The following IMPA2 variants were observed in gnomAD, a reference collection of about 807,000 sequenced individuals.
The protein encoded by IMPA2 is IMP 2.
IMPA2 carries 32 observed loss-of-function variants against 35.1 expected under a neutral mutation model. The observed-to-expected ratio is 0.91, with a 90% CI of 0.69 to 1.23. The LOEUF is 1.23. Ranked by LOEUF, IMPA2 falls within the 50% of genes most tolerant of loss-of-function variation. IMPA2 has a pLI of 0.00. For missense variants in IMPA2, 334 were observed against 387.6 expected (o/e 0.86, Z 1.16); for synonymous variants, 135 against 160.6 (o/e 0.84, Z 1.20).
chr18:12,000,771 A>G (rs886638369), intron 2 of IMPA2, among the ~76,000 whole-genome samples: 2 of 150,992 alleles, frequency 1.3e-5, no homozygotes, highest in Non-Finnish European at 3.0e-5. Context: ...GCCCGCCACC[A>G]CGCCCAGCTA....
chr18:12,026,219 G>C (rs1907878437), intron 5 of IMPA2, among the ~76,000 whole-genome samples: 1 of 151,844 alleles, frequency 6.6e-6, no homozygotes, highest in African/African-American at 2.4e-5. Context: ...TTTTAATAGA[G>C]ATGGGGTTTC....
In IMPA2 at chr18:12,009,878, T is replaced by C. The variant is rs770782521; in HGVS notation, c.231-5T>C. 1.9e-6 allele frequency: 3 copies of C among 1,612,598 alleles called. No homozygotes were observed. On this transcript the variant is annotated splice_polypyrimidine_tract_variant and splice_region_variant and intron_variant, in intron 2 of 7. Coordinates refer to ENST00000269159, the MANE Select transcript of IMPA2 (RefSeq NM_014214.3). ...ATTTTCTCAGGCTGGGTTCTTCCACTGCAGGTTCATTGCAGAAGAGGCCGC... is the reference window on the plus strand; with the variant it reads ...ATTTTCTCAGGCTGGGTTCTTCCACCGCAGGTTCATTGCAGAAGAGGCCGC...
At position 11,991,701 on chromosome 18, in the gene IMPA2, C is replaced by T. The variant is rs548730718; in HGVS notation, c.97-7353C>T. On this transcript the variant is annotated intron_variant, in intron 1 of 7. Coordinates refer to ENST00000269159, the MANE Select transcript of IMPA2 (RefSeq NM_014214.3). This position sits in a 1 kb window ranked among gnomAD's most constrained non-coding sequence, Gnocchi z 4.1. ...GTGGACAGAGTCCCAAGGCCATTTG[C>T]GGAGAACCCCCTCTTACTTGGGGGA... 2.0e-5 allele frequency among the ~76,000 whole-genome samples: 3 copies of T among 152,240 alleles called. No individual in the cohort carries two copies. Among genetic ancestry groups the T allele is most frequent in the South Asian group, 4.2e-4 (2 of 4,814 alleles).
At chr18:12,019,881 A>T (rs570193884) in intron 5 of IMPA2, among the ~76,000 whole-genome samples, 7 of 152,238 alleles carry the variant, frequency 4.6e-5, no homozygotes, top group South Asian at 2.1e-4. Flanking sequence ...AAAATAAAAA[A>T]ATATATATAT....
intron 1 of IMPA2, among the ~76,000 whole-genome samples, chr18:11,998,432 C>T (rs1382237564): frequency 6.6e-6 from 1 of 152,208 alleles, no homozygotes; most frequent in African/African-American, 2.4e-5. Context: ...AACTCTGAGA[C>T]AGCTGATGCT....
chr18:11,986,057 T>C (rs1326023750), intron 1 of IMPA2, among the ~76,000 whole-genome samples: 2 of 152,174 alleles, frequency 1.3e-5, no homozygotes, highest in Non-Finnish European at 2.9e-5. Flanking sequence ...CGTCATTAGC[T>C]TCACAGGAAA....
At chr18:11,987,222 T>C (rs749910985) in intron 1 of IMPA2, among the ~76,000 whole-genome samples, 5 of 152,220 alleles carry the variant, frequency 3.3e-5, no homozygotes, top group Non-Finnish European at 4.4e-5. Flanking sequence ...ATTTCTAACA[T>C]TCCCAGCTGA....
intron 1 of IMPA2, among the ~76,000 whole-genome samples, chr18:11,992,140 C>T (rs1015597931): frequency 2.0e-5 from 3 of 152,218 alleles, no homozygotes; most frequent in African/African-American, 7.2e-5. Context: ...CCACGCCTAG[C>T]CCAGAACAAT....
intron 5 of IMPA2, among the ~76,000 whole-genome samples, chr18:12,024,424 C>T (rs1907821951): frequency 6.6e-6 from 1 of 152,178 alleles, no homozygotes; most frequent in Non-Finnish European, 1.5e-5. Context: ...GCAGAGGTTG[C>T]AGTGAGCTGA....
chr18:11,981,689 A>T lies in IMPA2; in HGVS notation c.20A>T (p.Asp7Val). 8.1e-7 allele frequency: 1 copy of T among 1,230,728 alleles called. No individual in the cohort carries two copies. The highest frequency in any genetic ancestry group is 1.0e-6 in the Non-Finnish European group (1 of 987,032). The allele number at this position is 1,230,728 out of a possible 1,614,324, so 76.2% of individuals were successfully genotyped here. MKPSGEDQAALAAGPWE... is the reference protein window; with the variant it reads MKPSGEVQAALAAGPWE... ...GCCGCGATGAAGCCGAGCGGCGAGG[A>T]CCAGGCGGCGCTGGCGGCCGGCCCC... The change falls in exon 1 of 8, where the codon GAC becomes GTC. Residue 7 changes from aspartate (D) to valine (V), a missense_variant. Transcript: ENST00000269159.
At chr18:11,986,302 T>C (rs745490779) in intron 1 of IMPA2, among the ~76,000 whole-genome samples, 6 of 152,184 alleles carry the variant, frequency 3.9e-5, no homozygotes, top group African/African-American at 1.2e-4. Context: ...GCCTTTCTTC[T>C]GGCCTATGGA....
intron 1 of IMPA2, among the ~76,000 whole-genome samples, chr18:11,988,088 C>T (rs1420213833): frequency 6.7e-6 from 1 of 149,188 alleles, no homozygotes; most frequent in Non-Finnish European, 1.5e-5. Context: ...TCACTGCAAC[C>T]TCCGCTTCCC....
At chr18:12,028,678 T>C in intron 6 of IMPA2, 164 bp from the exon 7 acceptor site, 1 of 785,628 alleles carries the variant, frequency 1.3e-6, no homozygotes, top group Non-Finnish European at 2.0e-6. Context: ...TGTTGGTTGG[T>C]GGCTCCAGGC....
intron 5 of IMPA2, chr18:12,021,684 C>T (rs1403438641): frequency 6.6e-6 from 1 of 152,132 alleles, no homozygotes; most frequent in Non-Finnish European, 1.5e-5. Flanking sequence ...GCCTGGCTAA[C>T]TTTTGTATGT....
chr18:12,022,093 C>T (rs1405452311), intron 5 of IMPA2, among the ~76,000 whole-genome samples: 1 of 152,084 alleles, frequency 6.6e-6, no homozygotes, highest in East Asian at 1.9e-4. Context: ...CATTCAATGA[C>T]ATTAATTATA....
chr18:11,994,164 T>C (rs605964), intron 1 of IMPA2: 68,476 of 151,934 alleles, frequency 0.45, 17,524 homozygotes, highest in African/African-American at 0.69. Flanking sequence ...ACTTGAGGCC[T>C]GGAGTTTGAG....
At chr18:11,985,147 CAAAAAAAAA>C (rs60194371) in intron 1 of IMPA2, among the ~76,000 whole-genome samples, 11 of 80,560 alleles carry the variant, frequency 1.4e-4, no homozygotes, top group Admixed American at 1.3e-3. Context: ...AACTCTGTCT[CAAAAAAAAA>C]AAAAAAAAAA....
intron 5 of IMPA2, among the ~76,000 whole-genome samples, chr18:12,020,379 G>A (rs1276139518): frequency 1.3e-5 from 2 of 152,124 alleles, no homozygotes; most frequent in Non-Finnish European, 2.9e-5. Flanking sequence ...TTTTAGTAGA[G>A]ATGGTGTTTC....
intron 5 of IMPA2, among the ~76,000 whole-genome samples, chr18:12,021,326 G>T (rs1026141855): frequency 3.3e-5 from 5 of 152,032 alleles, no homozygotes; most frequent in Non-Finnish European, 5.9e-5. Flanking sequence ...GAAGTTCAAG[G>T]TAACAGAAGC....
Sources: allele counts gnomAD v4.1 joint callset (sites outside exome capture counted in the v4.1 genomes callset), GRCh38; gene constraint gnomAD v4.1.1; non-coding constraint Gnocchi (gnomAD v3.1); transcripts MANE v1.5; gene names NCBI Gene and HGNC (gene_info 2026-07-23, HGNC 2026-07-21).